NXN: variants seen among roughly 807,000 people sequenced by gnomAD.
The protein encoded by NXN is nucleoredoxin.
A neutral mutation model predicts 48.6 loss-of-function variants in NXN; 16 were observed. That is an observed-to-expected ratio of 0.33 (90% CI 0.22 to 0.50). The LOEUF (loss-of-function observed/expected upper bound fraction) is 0.50. Ranked by LOEUF, NXN falls within the 20% of genes least tolerant of loss-of-function variation. NXN has a pLI of 0.98. For missense variants in NXN, 492 were observed against 605.5 expected (o/e 0.81, Z 1.97); for synonymous variants, 281 against 269.6 (o/e 1.04, Z -0.41).
At chr17:841,449 TGACCACGGCGCATCTCACACGG>T (rs1914228699) in intron 1 of NXN, among the ~76,000 whole-genome samples, 2 of 47,012 alleles carry the variant, frequency 4.3e-5, no homozygotes, top group African/African-American at 2.0e-4. Context: ...CAGGTCCCCC[TGACCACGGCGCATCTCACACGG>T]GCGAGCAGGT....
At chr17:939,253 A>G (rs1422514119) in intron 1 of NXN, among the ~76,000 whole-genome samples, 9 of 152,160 alleles carry the variant, frequency 5.9e-5, no homozygotes, top group African/African-American at 2.2e-4. Flanking sequence ...TACATTTCCT[A>G]TCATAGGAAA....
intron 7 of NXN, among the ~76,000 whole-genome samples, chr17:803,439 G>A (rs1469532559): frequency 1.3e-5 from 2 of 152,230 alleles, no homozygotes; most frequent in Non-Finnish European, 2.9e-5. Flanking sequence ...GAAGCAGCCT[G>A]GGGACGGCTC....
At chr17:838,558 C>T (rs1597649062) in intron 1 of NXN, among the ~76,000 whole-genome samples, 3 of 152,116 alleles carry the variant, frequency 2.0e-5, no homozygotes. Flanking sequence ...GGTGAGACGC[C>T]GAGTCGGCTT....
intron 1 of NXN, among the ~76,000 whole-genome samples, chr17:944,212 C>G (rs2069016545): frequency 6.6e-6 from 1 of 152,098 alleles, no homozygotes; most frequent in Non-Finnish European, 1.5e-5. Flanking sequence ...GCACTCCAGC[C>G]TGGAAAACAA....
At chr17:976,411 T>C (rs574582759) in intron 1 of NXN, among the ~76,000 whole-genome samples, 25 of 152,272 alleles carry the variant, frequency 1.6e-4, no homozygotes, top group African/African-American at 5.8e-4. Flanking sequence ...ACCATACCCT[T>C]TGTTATCCCA....
intron 1 of NXN, among the ~76,000 whole-genome samples, chr17:854,243 T>A (rs374037761): frequency 7.9e-5 from 12 of 152,324 alleles, no homozygotes; most frequent in African/African-American, 2.6e-4. Context: ...CACTAAGGTT[T>A]TCTGGACACC....
At chr17:828,244 C>T (rs565163133) in intron 1 of NXN, among the ~76,000 whole-genome samples, 15 of 151,848 alleles carry the variant, frequency 9.9e-5, no homozygotes, top group Middle Eastern at 3.4e-3. Context: ...GCTGGGATTA[C>T]AGGTGCCCCC....
intron 5 of NXN, among the ~76,000 whole-genome samples, chr17:811,940 T>G (rs1351483703): frequency 2.1e-5 from 3 of 142,614 alleles, no homozygotes; most frequent in Non-Finnish European, 4.6e-5. Flanking sequence ...TTTTTTTTTT[T>G]TTTTTGAGAC....
At position 824,972 on chromosome 17, in the gene NXN, A is replaced by C. The variant is rs193292533; in HGVS notation, c.478+989T>G. The stretch of plus-strand genomic sequence containing the variant: ...GGACCAGGCTCTGCGGCTCAGCCCC[A>C]CGATCCCAGCACTTTGGGAGGCCGA... On this transcript the variant is annotated intron_variant, in intron 2 of 7. Transcript: ENST00000336868. Among the ~76,000 whole-genome samples the C allele has an allele frequency of 3.1e-3, 469 of 152,264 alleles. 2 individuals carry two copies. Among genetic ancestry groups the C allele is most frequent in the African/African-American group, 0.011 (443 of 41,546 alleles).
chr17:888,304 G>A (rs62068412), intron 1 of NXN, among the ~76,000 whole-genome samples: 2,897 of 152,200 alleles, frequency 0.019, 45 homozygotes, highest in Non-Finnish European at 0.031. Flanking sequence ...CTGCAACCTC[G>A]ACCTCCTGGG....
chr17:811,513 G>GGT (rs1912006104), intron 5 of NXN, among the ~76,000 whole-genome samples: 1 of 152,200 alleles, frequency 6.6e-6, no homozygotes, highest in Non-Finnish European at 1.5e-5. Flanking sequence ...CGGGGTTGGG[G>GGT]GGGGGGCAGC....
chr17:943,690 T>C (rs1567512583), intron 1 of NXN, among the ~76,000 whole-genome samples: 1 of 151,084 alleles, frequency 6.6e-6, no homozygotes, highest in Non-Finnish European at 1.5e-5. Flanking sequence ...GGCTTGGTGA[T>C]GCACGCCTGT....
At chr17:872,205 GGAGA>G (rs1267259135) in intron 1 of NXN, among the ~76,000 whole-genome samples, 1 of 149,378 alleles carries the variant, frequency 6.7e-6, no homozygotes, top group Non-Finnish European at 1.5e-5. Context: ...AGGGAGGGAG[GGAGA>G]GAGGGGGAGA....
At position 978,938 on chromosome 17, in the gene NXN, C is replaced by T. The variant is rs1170177669; in HGVS notation, c.360+381G>A. On this transcript the variant is annotated intron_variant, in intron 1 of 7. Coordinates refer to ENST00000336868, the MANE Select transcript of NXN (RefSeq NM_022463.5). The surrounding 1 kb of genome is among the most constrained non-coding windows in gnomAD (Gnocchi z 4.1). The stretch of plus-strand genomic sequence containing the variant: ...GCTCGCGGGTGAAGGGGTCGCGGAA[C>T]CGGGATCCCCGAGCGCAGCCGCCCC... 6.6e-6 allele frequency among the ~76,000 whole-genome samples: 1 copy of T among 151,010 alleles called. No homozygotes were observed. The highest frequency in any genetic ancestry group is 1.5e-5 in the Non-Finnish European group (1 of 67,572).
chr17:947,731 T>TAA (rs1441074081), intron 1 of NXN, among the ~76,000 whole-genome samples: 2 of 45,152 alleles, frequency 4.4e-5, no homozygotes, highest in Non-Finnish European at 4.0e-5. Context: ...AGGCTCCCTC[T>TAA]CAAAAAAAAA....
At chr17:876,921 G>A (rs1463786821) in intron 1 of NXN, among the ~76,000 whole-genome samples, 4 of 151,700 alleles carry the variant, frequency 2.6e-5, no homozygotes, top group South Asian at 2.1e-4. Context: ...GGTGGCGGTC[G>A]CCTGTAATCC....
intron 1 of NXN, among the ~76,000 whole-genome samples, chr17:975,213 T>A (rs540149085): frequency 2.6e-5 from 4 of 152,270 alleles, no homozygotes; most frequent in Admixed American, 6.5e-5. Context: ...TCCTGGCTGG[T>A]CCGGGCTTCT....
At chr17:907,409 A>T (rs2132513) in intron 1 of NXN, among the ~76,000 whole-genome samples, 2 of 150,914 alleles carry the variant, frequency 1.3e-5, no homozygotes, top group African/African-American at 4.9e-5. Context: ...GAGTGATCTC[A>T]GCTCACTGCA....
At position 958,448 on chromosome 17, in the gene NXN, A is replaced by G. The variant is rs1174539689; in HGVS notation, c.360+20871T>C. Among the ~76,000 whole-genome samples the G allele has an allele frequency of 6.6e-6, 1 of 151,288 alleles. No individual in the cohort carries two copies. The highest frequency in any genetic ancestry group is 2.4e-5 in the African/African-American group (1 of 41,160). On this transcript the variant is annotated intron_variant, in intron 1 of 7. Transcript: ENST00000336868. This position sits in a 1 kb window ranked among gnomAD's most constrained non-coding sequence, Gnocchi z 6.9. ...GATCGCTTGAGGCCAGGCGTTCAAA[A>G]CCAGCCCGGGCAACATAGCAGGACT...
Sources: gnomAD v4.1 joint callset for allele counts (sites outside exome capture counted in the v4.1 genomes callset) on GRCh38, gnomAD v4.1.1 for gene constraint, Gnocchi (gnomAD v3.1) non-coding constraint, MANE v1.5 for transcripts, NCBI Gene and HGNC (gene_info 2026-07-23, HGNC 2026-07-21) for gene names.